Variants in SNRNP200 observed in about 807,000 individuals in gnomAD.
SNRNP200 encodes U5 small nuclear ribonucleoprotein 200 kDa helicase.
A neutral mutation model predicts 255.2 loss-of-function variants in SNRNP200; 66 were observed. The ratio of observed to expected loss-of-function variants is 0.26; its 90% CI spans 0.21 to 0.32. The LOEUF (loss-of-function observed/expected upper bound fraction) is 0.32. Ranked by LOEUF, SNRNP200 falls within the 10% of genes least tolerant of loss-of-function variation. The pLI is 1.00. For synonymous variants in SNRNP200, 939 were observed against 1,027.8 expected, an observed-to-expected ratio of 0.91 and a Z score of 1.65; for missense variants, 1,585 against 2,749.8, an observed-to-expected ratio of 0.58 and a Z score of 9.47.
chr2:96,297,085 G>A lies in SNRNP200; in HGVS notation c.1378-15C>T. 1.9e-6 allele frequency: 3 copies of A among 1,614,166 alleles called. No individual in the cohort carries two copies. Among genetic ancestry groups the A allele is most frequent in the Middle Eastern group, 1.6e-4 (1 of 6,062 alleles). Reference sequence around the variant, plus strand: ...GGAAGCAGTTGCTAGAAGAAAAGAAGTGCCATCAATATCATGTTGGCAGCA... The same window carrying A: ...GGAAGCAGTTGCTAGAAGAAAAGAAATGCCATCAATATCATGTTGGCAGCA... On this transcript the variant is annotated splice_polypyrimidine_tract_variant and intron_variant, in intron 11 of 44. Coordinates refer to ENST00000323853, the MANE Select transcript of SNRNP200 (RefSeq NM_014014.5).
intron 3 of SNRNP200, among the ~76,000 whole-genome samples, chr2:96,302,412 C>G (rs1301029981): frequency 1.3e-5 from 2 of 152,238 alleles, no homozygotes; most frequent in African/African-American, 4.8e-5. Flanking sequence ...GTCTCATCCT[C>G]TGGCCACCTC....
In SNRNP200 at chr2:96,303,202, T is replaced by C. The variant is rs2063964181; in HGVS notation, c.338A>G (p.Tyr113Cys). 1 of 1,614,220 alleles carries C rather than the reference T, an allele frequency of 6.2e-7. No individual in the cohort carries two copies. Among genetic ancestry groups the C allele is most frequent in the Non-Finnish European group, 8.5e-7 (1 of 1,180,038 alleles). The change falls in exon 3 of 45, where the codon TAT (tyrosine) becomes TGT (cysteine). Residue 113 changes from tyrosine (Y) to cysteine (C), a missense_variant. This residue lies in a region of SNRNP200 where 383 missense variants were observed against 645.3 expected (regional missense o/e 0.59). Coordinates refer to ENST00000323853, the MANE Select transcript of SNRNP200 (RefSeq NM_014014.5). ...CTGGATGAAGCTGAGTAGCACCTCA[T>C]AGGTCTCCCGAGTCTCTTTAGTTTT... Reference protein sequence around the residue: ...KPKTKETRETYEVLLSFIQAA... With the variant: ...KPKTKETRETCEVLLSFIQAA...
chr2:96,297,287 C>A, intron 11 of SNRNP200, 76 bp downstream of exon 11: 1 of 1,582,186 alleles, frequency 6.3e-7, no homozygotes, highest in Non-Finnish European at 8.7e-7. Context: ...TGAAACAAGG[C>A]TACATTTTGG....
chr2:96,292,106 A>C (rs2063887898), intron 16 of SNRNP200, among the ~76,000 whole-genome samples: 1 of 152,226 alleles, frequency 6.6e-6, no homozygotes, highest in African/African-American at 2.4e-5. Context: ...ACAGTCCTGG[A>C]GCTGAGAAAT....
chr2:96,292,035 G>C (rs973702989), intron 16 of SNRNP200, 135 bp from the exon 17 acceptor site: 10 of 957,524 alleles, frequency 1.0e-5, no homozygotes, highest in African/African-American at 1.6e-5. Context: ...AATGTGTGCA[G>C]GCTCAGAGGA....
Position 96,286,888 on chromosome 2 carries a change from G to A in SNRNP200, c.3640-11C>T. The A allele has an allele frequency of 6.2e-7, 1 of 1,614,136 alleles. No individual in the cohort carries two copies. The highest frequency in any genetic ancestry group is 8.5e-7 in the Non-Finnish European group (1 of 1,180,024). On this transcript the variant is annotated splice_polypyrimidine_tract_variant and intron_variant, in intron 27 of 44. Transcript: ENST00000323853. This position sits in a 1 kb window ranked among gnomAD's most constrained non-coding sequence, Gnocchi z 4.8. ...GGATGAACCATGCACCTGCCAACAG[G>A]AGCAAGGGTAAAAGGAATGTGAGTC...
chr2:96,301,270 G>A (rs1242018067), intron 4 of SNRNP200, among the ~76,000 whole-genome samples: 2 of 152,174 alleles, frequency 1.3e-5, no homozygotes, highest in Non-Finnish European at 2.9e-5. Context: ...AGCTCTGCTT[G>A]CTCAACCACT....
chr2:96,298,810 C>T lies in SNRNP200; in HGVS notation c.882+5G>A, dbSNP rs2063935553. 1 of 1,613,970 alleles carries T rather than the reference C, an allele frequency of 6.2e-7. No individual in the cohort carries two copies. Among genetic ancestry groups the T allele is most frequent in the African/African-American group, 1.3e-5 (1 of 74,922 alleles). Reference sequence around the variant, plus strand: ...AATATACAACTATTGTCATCTTGGCCATACCTTCAAAATCTCCAATACTTC... The same window carrying T: ...AATATACAACTATTGTCATCTTGGCTATACCTTCAAAATCTCCAATACTTC... On this transcript the variant is annotated splice_donor_5th_base_variant and intron_variant, in intron 7 of 44. Transcript: ENST00000323853.
Position 96,290,479 on chromosome 2 carries a change from G to A in SNRNP200, c.2589C>T (p.Thr863=), listed in dbSNP as rs2063877398. 1 of 1,614,166 alleles carries A rather than the reference G, an allele frequency of 6.2e-7. No individual in the cohort carries two copies. The highest frequency in any genetic ancestry group is 8.5e-7 in the Non-Finnish European group (1 of 1,180,030). Residue 863 remains threonine (T), a synonymous_variant, in exon 20 of 45, where the codon ACC becomes ACT. Transcript: ENST00000323853. The surrounding 1 kb of genome is among the most constrained non-coding windows in gnomAD (Gnocchi z 4.5). ...ATGTGATGAGTATGCCTTCACCCTT[G>A]GTGTCATACTGGGGTCTTCCGGCAC... ...LGRAGRPQYD[T]KGEGILITSH...
At position 96,303,311 on chromosome 2, in the gene SNRNP200, C is replaced by A. The variant is rs1473424300; in HGVS notation, c.229G>T (p.Asp77Tyr). ...RRAKRRKRDE[D>Y]RHDINKMKGY... ...TTCATCTTGTTGATGTCATGCCGGT[C>A]CTCATCACGCTTTCTTCGCCTAATG... The change falls in exon 3 of 45, where the codon GAC becomes TAC. Residue 77 changes from aspartate to tyrosine, a missense_variant. Asp to Tyr is a radical substitution (Grantham distance 160). Around this residue, in one of 9 missense-constraint regions of SNRNP200, gnomAD observed 383 missense variants for 645.3 expected, o/e 0.59. Transcript: ENST00000323853. The A allele has an allele frequency of 6.2e-7, 1 of 1,614,142 alleles. No individual in the cohort carries two copies. The highest frequency in any genetic ancestry group is 2.2e-5 in the East Asian group (1 of 44,876).
rs2104345378 is a variant in SNRNP200, at chr2:96,287,429, T to C, written c.3484+10A>G. The C allele has an allele frequency of 1.3e-6, 2 of 1,581,460 alleles. No individual in the cohort carries two copies. The highest frequency in any genetic ancestry group is 4.5e-5 in the East Asian group (2 of 44,714). On this transcript the variant is annotated intron_variant, in intron 26 of 44. Coordinates refer to ENST00000323853, the MANE Select transcript of SNRNP200 (RefSeq NM_014014.5). The surrounding 1 kb of genome is among the most constrained non-coding windows in gnomAD (Gnocchi z 5.7). ...GGCAGTGAGGACAAGGGCGAGAGCATCCCACACACCAATCTCATTATGATT... is the reference window on the plus strand; with the variant it reads ...GGCAGTGAGGACAAGGGCGAGAGCACCCCACACACCAATCTCATTATGATT...
Position 96,286,426 on chromosome 2 carries a change from G to A in SNRNP200, c.3888C>T (p.Pro1296=), listed in dbSNP as rs143175658. ...GCAGGTCCAAAAGTTCGGTTGGAGG[G>A]GGGTACTTCTCCGGCAAGATCAGGT... ...FRHLILPEKY[P]PPTELLDLQP... is the part of the protein sequence containing the mutation. Residue 1296 remains proline, a synonymous_variant, in exon 29 of 45, where the codon CCC becomes CCT. Coordinates refer to ENST00000323853, the MANE Select transcript of SNRNP200 (RefSeq NM_014014.5). This position sits in a 1 kb window ranked among gnomAD's most constrained non-coding sequence, Gnocchi z 4.8. 2 of 1,614,196 alleles carry A rather than the reference G, an allele frequency of 1.2e-6. No homozygotes were observed. Among genetic ancestry groups the A allele is most frequent in the Non-Finnish European group, 1.7e-6 (2 of 1,180,036 alleles).
intron 2 of SNRNP200, 78 bp downstream of exon 2, chr2:96,304,627 C>A: frequency 6.4e-7 from 1 of 1,572,084 alleles, no homozygotes; most frequent in Non-Finnish European, 8.8e-7. Flanking sequence ...CCAAGCATTC[C>A]AGCAAAAATG....
intron 1 of SNRNP200, 43 bp downstream of exon 1, chr2:96,305,350 T>C (rs773412017): frequency 2.2e-5 from 36 of 1,612,622 alleles, no homozygotes; most frequent in South Asian, 3.3e-5. Context: ...CCCCTCCCCA[T>C]TGGACTCCTG....
At chr2:96,303,581 T>C (rs575996923) in intron 2 of SNRNP200, among the ~76,000 whole-genome samples, 65 of 152,208 alleles carry the variant, frequency 4.3e-4, no homozygotes, top group Non-Finnish European at 7.5e-4. Context: ...CAATGAGATG[T>C]TTCTCATTTA....
rs1432461064 is a variant in SNRNP200, at chr2:96,283,742, A to G, written c.4585-29T>C. ...GCGACCGGGGAGAAGAAAAGACACC[A>G]AGGTTATCAGACCTGGGTCACTCAG... On this transcript the variant is annotated intron_variant, in intron 32 of 44. Transcript: ENST00000323853. This position sits in a 1 kb window ranked among gnomAD's most constrained non-coding sequence, Gnocchi z 4.7. The G allele has an allele frequency of 8.7e-6, 14 of 1,613,918 alleles. No individual in the cohort carries two copies. The highest frequency in any genetic ancestry group is 1.2e-5 in the Non-Finnish European group (14 of 1,179,964).
At position 96,290,693 on chromosome 2, in the gene SNRNP200, G is replaced by A. The variant is rs561250719; in HGVS notation, c.2544C>T (p.Asp848=). The A allele has an allele frequency of 1.2e-6, 2 of 1,614,208 alleles. No homozygotes were observed. Among genetic ancestry groups the A allele is most frequent in the African/African-American group, 2.7e-5 (2 of 75,050 alleles). The change falls in exon 19 of 45, where the codon GAC becomes GAT. Residue 848 remains aspartate, a synonymous_variant. Coordinates refer to ENST00000323853, the MANE Select transcript of SNRNP200 (RefSeq NM_014014.5). The surrounding 1 kb of genome is among the most constrained non-coding windows in gnomAD (Gnocchi z 4.5). ...KGRWTELGAL[D]ILQMLGRAGR... ...TCAAAAGGCTCTGTACCTGCAGAAT[G>A]TCCAGTGCTCCCAGTTCTGTCCAAC...
chr2:96,283,130 C>T lies in SNRNP200; in HGVS notation c.4915+71G>A, dbSNP rs538817810. The T allele has an allele frequency of 1.3e-5, 21 of 1,584,502 alleles. No individual in the cohort carries two copies. The highest frequency in any genetic ancestry group is 9.4e-5 in the African/African-American group (7 of 74,550). ...ATGCTGTAGAGAAAACACTGCCACC[C>T]GCACCCCTCAAGTTTAACACCACCA... On this transcript the variant is annotated intron_variant, in intron 34 of 44. Coordinates refer to ENST00000323853, the MANE Select transcript of SNRNP200 (RefSeq NM_014014.5). The surrounding 1 kb of genome is among the most constrained non-coding windows in gnomAD (Gnocchi z 4.7).
Position 96,294,363 on chromosome 2 carries a change from G to A in SNRNP200, c.1843-854C>T, listed in dbSNP as rs566851243. ...TGAGGCAGGAGAACTGCTTGAACCC[G>A]GGAGGCGGAGGCTGTAGTGAGCTGA... On this transcript the variant is annotated intron_variant, in intron 14 of 44. Transcript: ENST00000323853. Among the ~76,000 whole-genome samples the A allele has an allele frequency of 2.4e-3, 359 of 152,174 alleles. 2 individuals are homozygous for A. Among genetic ancestry groups the A allele is most frequent in the Admixed American group, 3.5e-3 (54 of 15,300 alleles).
Sources: allele counts gnomAD v4.1 joint callset (sites outside exome capture counted in the v4.1 genomes callset), GRCh38; gene constraint gnomAD v4.1.1; regional missense constraint gnomAD v4.1.1; non-coding constraint Gnocchi (gnomAD v3.1); transcripts MANE v1.5; gene names NCBI Gene and HGNC (gene_info 2026-07-23, HGNC 2026-07-21).